AK9: variants seen among roughly 807,000 people sequenced by gnomAD.
AK9 encodes adenylate kinase domain containing 1.
AK9 carries 191 observed loss-of-function variants against 239.6 expected under a neutral mutation model. The ratio of observed to expected loss-of-function variants is 0.80; its 90% CI spans 0.71 to 0.90. The LOEUF is 0.90. Among genes scored for constraint, AK9 ranks in the 40% least tolerant of loss-of-function variants. The pLI is 0.00. For synonymous variants in AK9, 689 were observed against 721.0 expected, an observed-to-expected ratio of 0.96 and a Z score of 0.71; for missense variants, 1,995 against 2,214.7, an observed-to-expected ratio of 0.90 and a Z score of 1.99.
rs1279204973 is a variant in AK9 at position 109,571,235 on chromosome 6, A to T, written c.2344+2207T>A. Among the ~76,000 whole-genome samples, 3 of 152,330 alleles carry T rather than the reference A, an allele frequency of 2.0e-5. No homozygotes were observed. In the East Asian group the frequency reaches 5.8e-4, roughly 29 times the overall value. On this transcript the variant is annotated intron_variant, in intron 21 of 40. Transcript: ENST00000424296. ...TCCAAATGGAATTATCATTATCCTA[A>T]TACCACATAGCTACAGAAATCCACA...
intron 17 of AK9, among the ~76,000 whole-genome samples, chr6:109,597,168 AAG>A (rs1791150151): frequency 6.6e-6 from 1 of 152,182 alleles, no homozygotes; most frequent in African/African-American, 2.4e-5. Context: ...AAGGGAATGA[AAG>A]AGTAAACATT....
At chr6:109,494,920 G>A (rs1303973506) in intron 39 of AK9, among the ~76,000 whole-genome samples, 1 of 152,236 alleles carries the variant, frequency 6.6e-6, no homozygotes, top group Non-Finnish European at 1.5e-5. Context: ...TTATCTGGAT[G>A]TGGGGCAAAA....
chr6:109,599,088 A>G lies in AK9; in HGVS notation c.1842+11277T>C, dbSNP rs192310761. On this transcript the variant is annotated intron_variant, in intron 17 of 40. Transcript: ENST00000424296. Reference sequence around the variant, plus strand: ...AAGCTCTTTAGTTTAATTAGATTCCATTAGTCAATTTTGGCTTTTGTTGCC... The same window carrying G: ...AAGCTCTTTAGTTTAATTAGATTCCGTTAGTCAATTTTGGCTTTTGTTGCC... 2.8e-3 allele frequency among the ~76,000 whole-genome samples: 424 copies of G among 152,330 alleles called. 1 individual carries two copies. Among genetic ancestry groups the G allele is most frequent in the African/African-American group, 9.7e-3 (405 of 41,574 alleles).
Position 109,514,237 on chromosome 6 carries a change from A to G in AK9, c.4266T>C (p.Ser1422=). ...ACATACGCTCACCTGTAGTTTTCCC[A>G]GATTTTGGAGGCCCCACAATTATAA... is the stretch of plus-strand genomic sequence containing the variant. ...IRIIIVGPPK[S]GKTTVAKKIT... is the part of the protein sequence containing the mutation. Residue 1422 remains serine, a synonymous_variant, in exon 32 of 41, where the codon TCT becomes TCC. Coordinates refer to ENST00000424296, the MANE Select transcript of AK9 (RefSeq NM_001145128.3). 6.4e-7 allele frequency: 1 copy of G among 1,550,666 alleles called. No homozygotes were observed. Among genetic ancestry groups the G allele is most frequent in the South Asian group, 1.2e-5 (1 of 83,740 alleles).
intron 2 of AK9, among the ~76,000 whole-genome samples, chr6:109,675,263 TTCA>T (rs2128340886): frequency 6.6e-6 from 1 of 152,306 alleles, no homozygotes; most frequent in African/African-American, 2.4e-5. Flanking sequence ...GTAAGTTAAT[TTCA>T]TCATAATATA....
At chr6:109,557,028 G>C (rs1186874861) in intron 24 of AK9, among the ~76,000 whole-genome samples, 1 of 151,972 alleles carries the variant, frequency 6.6e-6, no homozygotes, top group Non-Finnish European at 1.5e-5. Flanking sequence ...TGCCCTTGGT[G>C]GAGAAACACT....
rs1791555804 is a variant in AK9, at chr6:109,599,273, A to C, written c.1842+11092T>G. 2.0e-5 allele frequency among the ~76,000 whole-genome samples: 3 copies of C among 152,198 alleles called. No individual in the cohort carries two copies. The South Asian group carries it at 6.2e-4, about 31-fold the overall frequency. On this transcript the variant is annotated intron_variant, in intron 17 of 40. Transcript: ENST00000424296. ...TGTATAAGGTGTAAGGAAGGGATCC[A>C]GTTTCAGCTTTCTACGTATGGCTAG...
At position 109,515,838 on chromosome 6, in the gene AK9, G is replaced by C. The variant is rs1000577163; in HGVS notation, c.4065+19C>G. ...AATAAATAAGGAACATGGCTTTCAGGTGCGTTTGCTGAAATTACCTTTACA... is the reference window on the plus strand; with the variant it reads ...AATAAATAAGGAACATGGCTTTCAGCTGCGTTTGCTGAAATTACCTTTACA... On this transcript the variant is annotated intron_variant, in intron 31 of 40. Coordinates refer to ENST00000424296, the MANE Select transcript of AK9 (RefSeq NM_001145128.3). The C allele has an allele frequency of 2.0e-6, 3 of 1,517,816 alleles. No individual in the cohort carries two copies. The highest frequency in any genetic ancestry group is 2.8e-5 in the African/African-American group (2 of 72,122). The allele number at this position is 1,517,816 out of a possible 1,614,324, so 94.0% of individuals were successfully genotyped here.
chr6:109,499,876 A>T (rs1409411870), intron 35 of AK9, among the ~76,000 whole-genome samples: 2 of 152,220 alleles, frequency 1.3e-5, no homozygotes, highest in East Asian at 3.9e-4. Context: ...TTGGGATTAC[A>T]GGCATGAGCC....
At chr6:109,587,178 A>G (rs1053328751) in intron 17 of AK9, among the ~76,000 whole-genome samples, 7 of 152,226 alleles carry the variant, frequency 4.6e-5, no homozygotes, top group East Asian at 1.9e-4. Flanking sequence ...AATGTTTAAC[A>G]TAAGAGAATT....
In AK9 at chr6:109,575,435, G is replaced by A. The variant is rs527835857; in HGVS notation, c.2192-1841C>T. 1.1e-3 allele frequency among the ~76,000 whole-genome samples: 172 copies of A among 152,284 alleles called. 1 individual carries two copies. Among genetic ancestry groups the A allele is most frequent in the African/African-American group, 3.9e-3 (162 of 41,552 alleles). On this transcript the variant is annotated intron_variant, in intron 20 of 40. Transcript: ENST00000424296. ...TTGCATTTCCCTGATAATTAGTGAT[G>A]TTGAGCATTTTTTCATATATTCGCT...
chr6:109,561,016 T>C (rs769932739), intron 24 of AK9, among the ~76,000 whole-genome samples: 29 of 151,350 alleles, frequency 1.9e-4, no homozygotes, highest in Non-Finnish European at 5.9e-5. Context: ...TGGAGTGCAA[T>C]GGCATGATCT....
At chr6:109,554,654 C>T (rs979147202) in intron 24 of AK9, among the ~76,000 whole-genome samples, 1 of 151,162 alleles carries the variant, frequency 6.6e-6, no homozygotes, top group African/African-American at 2.4e-5. Context: ...GTCTCAGCCT[C>T]TCGAGTAGCT....
Position 109,644,682 on chromosome 6 carries a change from T to C in AK9, c.766A>G (p.Met256Val). 3.7e-6 allele frequency: 6 copies of C among 1,610,678 alleles called. No homozygotes were observed. The highest frequency in any genetic ancestry group is 4.2e-6 in the Non-Finnish European group (5 of 1,179,270). The change falls in exon 9 of 41, where the codon ATG becomes GTG. Residue 256 changes from methionine to valine, a missense_variant. Physicochemically the swap from Met to Val is conservative, Grantham distance 21. Coordinates refer to ENST00000424296, the MANE Select transcript of AK9 (RefSeq NM_001145128.3). ...ETILQTLEEV[M>V]AEHNPQYLIE... ...AGATACTGGGGATTGTGTTCAGCCATTACTTCCTGCAGATAATAGAAAAGA... is the reference window on the plus strand; with the variant it reads ...AGATACTGGGGATTGTGTTCAGCCACTACTTCCTGCAGATAATAGAAAAGA...
intron 5 of AK9, among the ~76,000 whole-genome samples, chr6:109,670,974 T>G (rs553728057): frequency 9.2e-5 from 14 of 152,166 alleles, no homozygotes; most frequent in African/African-American, 3.4e-4. Flanking sequence ...GTATTATATA[T>G]AAAAACCCAT....
chr6:109,678,399 C>T (rs1413537729), intron 1 of AK9, among the ~76,000 whole-genome samples: 8 of 151,940 alleles, frequency 5.3e-5, no homozygotes, highest in African/African-American at 9.7e-5. Context: ...ATGGTTGCCA[C>T]GGGTTAGCAG....
intron 20 of AK9, among the ~76,000 whole-genome samples, chr6:109,575,253 CA>C (rs1787914222): frequency 6.6e-6 from 1 of 152,108 alleles, no homozygotes; most frequent in Admixed American, 6.6e-5. Flanking sequence ...AAGGAATTGC[CA>C]TAGTGTTTTC....
chr6:109,530,751 G>C (rs1781124363), intron 28 of AK9, among the ~76,000 whole-genome samples: 1 of 152,130 alleles, frequency 6.6e-6, no homozygotes, highest in South Asian at 2.1e-4. Context: ...CCACTCTAGA[G>C]GTGAGTTAAC....
At chr6:109,685,583 T>C (rs1369963018) in intron 1 of AK9, among the ~76,000 whole-genome samples, 2 of 128,976 alleles carry the variant, frequency 1.6e-5, no homozygotes, top group South Asian at 2.5e-4. Flanking sequence ...CTTTCGGGGG[T>C]GGGGGGCTAT....
Sources: gnomAD v4.1 joint callset for allele counts (sites outside exome capture counted in the v4.1 genomes callset) on GRCh38, gnomAD v4.1.1 for gene constraint, MANE v1.5 for transcripts, NCBI Gene and HGNC (gene_info 2026-07-23, HGNC 2026-07-21) for gene names.